The following ROBO1 variants were observed in gnomAD, a reference collection of about 807,000 sequenced individuals.
ROBO1 encodes roundabout homolog 1.
A neutral mutation model predicts 195.9 loss-of-function variants in ROBO1; 149 were observed. The observed-to-expected ratio is 0.76, with a 90% CI of 0.67 to 0.87. The LOEUF (loss-of-function observed/expected upper bound fraction) is 0.87, where lower values mean the gene tolerates loss of function less well. Among genes scored for constraint, ROBO1 ranks in the 40% least tolerant of loss-of-function variants. The pLI is 0.00. For missense variants in ROBO1, 1,933 were observed against 2,068.3 expected, an observed-to-expected ratio of 0.93 and a Z score of 1.27; for synonymous variants, 816 against 733.2, an observed-to-expected ratio of 1.11 and a Z score of -1.82.
At chr3:79,595,238 T>C (rs1165303220) in intron 1 of ROBO1, among the ~76,000 whole-genome samples, 1 of 151,954 alleles carries the variant, frequency 6.6e-6, no homozygotes, top group African/African-American at 2.4e-5. Flanking sequence ...GGTTTGAAAA[T>C]ATATTTTAGG....
chr3:79,141,571 T>G (rs1391978563), intron 2 of ROBO1, among the ~76,000 whole-genome samples: 91 of 151,338 alleles, frequency 6.0e-4, no homozygotes, highest in African/African-American at 1.5e-3. Context: ...GTTGTTGTTT[T>G]TTTTTTTTTT....
At chr3:79,751,561 A>G (rs1043150934) in intron 1 of ROBO1, among the ~76,000 whole-genome samples, 1 of 152,162 alleles carries the variant, frequency 6.6e-6, no homozygotes, top group Admixed American at 6.6e-5. Context: ...ATATATCTAC[A>G]GTATCCTGAT....
intron 1 of ROBO1, among the ~76,000 whole-genome samples, chr3:79,697,871 T>C (rs1418228011): frequency 1.3e-5 from 2 of 151,380 alleles, no homozygotes; most frequent in Admixed American, 6.6e-5. Context: ...ATGGCCACCA[T>C]TGTGAAAAAA....
intron 2 of ROBO1, among the ~76,000 whole-genome samples, chr3:79,383,682 A>G (rs566573943): frequency 6.6e-6 from 1 of 152,218 alleles, no homozygotes; most frequent in South Asian, 2.1e-4. Flanking sequence ...AAAAGTAGGC[A>G]TGACAGTTTC....
intron 1 of ROBO1, among the ~76,000 whole-genome samples, chr3:79,750,247 A>G (rs1704073105): frequency 6.6e-6 from 1 of 152,222 alleles, no homozygotes; most frequent in Non-Finnish European, 1.5e-5. Flanking sequence ...TGGAACAGAT[A>G]TATTTACCCA....
chr3:79,413,438 G>T (rs1443828826), intron 2 of ROBO1, among the ~76,000 whole-genome samples: 1 of 151,984 alleles, frequency 6.6e-6, no homozygotes. Context: ...AATAGGCTGG[G>T]TATAAGGCAA....
rs147866600 is a variant in ROBO1 at position 79,016,383 on chromosome 3, T to C, written c.173-77456A>G. Among the ~76,000 whole-genome samples the C allele has an allele frequency of 3.4e-3, 517 of 152,284 alleles. 3 individuals are homozygous for C. Among genetic ancestry groups the C allele is most frequent in the African/African-American group, 0.012 (501 of 41,564 alleles). ...GATAGGCACACCTATAGGAAAAACTTAGGTTTACAAAAATCATCAATGGCT... is the reference window on the plus strand; with the variant it reads ...GATAGGCACACCTATAGGAAAAACTCAGGTTTACAAAAATCATCAATGGCT... On this transcript the variant is annotated intron_variant, in intron 3 of 30. Coordinates refer to ENST00000464233, the MANE Select transcript of ROBO1 (RefSeq NM_002941.4).
chr3:79,074,512 G>A (rs2079139445), intron 3 of ROBO1, among the ~76,000 whole-genome samples: 1 of 151,718 alleles, frequency 6.6e-6, no homozygotes, highest in South Asian at 2.1e-4. Flanking sequence ...TTGACCTCCT[G>A]GGCTTAAGTG....
chr3:78,889,845 A>T (rs1244109933), intron 4 of ROBO1, among the ~76,000 whole-genome samples: 1 of 152,130 alleles, frequency 6.6e-6, no homozygotes, highest in Non-Finnish European at 1.5e-5. Context: ...TAAATTTTTG[A>T]TAAAAATACA....
chr3:78,680,302 C>A (rs1399569044), intron 10 of ROBO1, among the ~76,000 whole-genome samples: 4 of 152,246 alleles, frequency 2.6e-5, no homozygotes, highest in South Asian at 4.1e-4. Context: ...ACACCAAAAG[C>A]AATGGCAACA....
chr3:78,672,415 CAAAAAT>C (rs915805028), intron 10 of ROBO1, among the ~76,000 whole-genome samples: 28 of 151,656 alleles, frequency 1.8e-4, no homozygotes, highest in African/African-American at 6.5e-4. Context: ...CCCATCTCCA[CAAAAAT>C]AAAAATAAAA....
chr3:79,192,302 T>C (rs976046116), intron 2 of ROBO1, among the ~76,000 whole-genome samples: 5 of 151,680 alleles, frequency 3.3e-5, no homozygotes, highest in African/African-American at 4.8e-5. Context: ...GTCCATACTA[T>C]GTGTCAGAAA....
intron 2 of ROBO1, among the ~76,000 whole-genome samples, chr3:79,339,873 A>G (rs77966804): frequency 0.019 from 2,918 of 152,312 alleles, 73 homozygotes; most frequent in African/African-American, 0.061. Flanking sequence ...CTTGATTACT[A>G]TTGAGTGCCT....
At chr3:78,863,588 A>C (rs948639716) in intron 4 of ROBO1, among the ~76,000 whole-genome samples, 45 of 152,188 alleles carry the variant, frequency 3.0e-4, no homozygotes, top group Admixed American at 2.3e-3. Flanking sequence ...CTGCAGGACT[A>C]AAGCCAAAAA....
intron 2 of ROBO1, among the ~76,000 whole-genome samples, chr3:79,319,172 T>A (rs912182625): frequency 1.3e-5 from 2 of 152,174 alleles, no homozygotes; most frequent in African/African-American, 4.8e-5. Flanking sequence ...TGAAAACCAG[T>A]GTGTATTTTA....
At chr3:79,618,712 T>C (rs1030422860) in intron 1 of ROBO1, among the ~76,000 whole-genome samples, 1 of 152,192 alleles carries the variant, frequency 6.6e-6, no homozygotes, top group African/African-American at 2.4e-5. Flanking sequence ...TCTCTTCACA[T>C]GGACGCACAT....
At chr3:79,107,793 G>A (rs944257671) in intron 3 of ROBO1, among the ~76,000 whole-genome samples, 1 of 151,648 alleles carries the variant, frequency 6.6e-6, no homozygotes, top group Non-Finnish European at 1.5e-5. Flanking sequence ...TAGCATGTTT[G>A]AGAAGTCTTA....
chr3:79,340,063 T>C (rs2034844647), intron 2 of ROBO1, among the ~76,000 whole-genome samples: 2 of 152,176 alleles, frequency 1.3e-5, no homozygotes, highest in African/African-American at 4.8e-5. Flanking sequence ...TGATAGCCTG[T>C]TTGCTCTGCT....
chr3:79,381,239 C>G (rs1355526099), intron 2 of ROBO1, among the ~76,000 whole-genome samples: 3 of 151,238 alleles, frequency 2.0e-5, no homozygotes, highest in Admixed American at 6.6e-5. Context: ...TGCCTGTAAT[C>G]CCAGCTACTT....
Sources: allele counts gnomAD v4.1 joint callset (sites outside exome capture counted in the v4.1 genomes callset), GRCh38; gene constraint gnomAD v4.1.1; transcripts MANE v1.5; gene names NCBI Gene and HGNC (gene_info 2026-07-23, HGNC 2026-07-21).